The following SHQ1 variants were observed in gnomAD, a reference collection of about 807,000 sequenced individuals.
SHQ1 encodes SHQ1, H/ACA ribonucleoprotein assembly factor.
A neutral mutation model predicts 53.8 loss-of-function variants in SHQ1; 49 were observed. That is an observed-to-expected ratio of 0.91 (90% CI 0.72 to 1.16). The LOEUF (loss-of-function observed/expected upper bound fraction) is 1.16. Among genes scored for constraint, SHQ1 ranks in the 50% most tolerant of loss-of-function variants. The pLI, the probability that SHQ1 is intolerant of heterozygous loss-of-function variation, is 0.00. For missense variants in SHQ1, 738 were observed against 683.1 expected (o/e 1.08, Z -0.90); for synonymous variants, 243 against 251.0 (o/e 0.97, Z 0.30).
chr3:72,812,447 T>A (rs1345673754), intron 9 of SHQ1, among the ~76,000 whole-genome samples: 1 of 152,230 alleles, frequency 6.6e-6, no homozygotes, highest in Admixed American at 6.5e-5. Flanking sequence ...CTTCTCTGTT[T>A]ACCTTCCTTA....
chr3:72,818,839 C>A (rs866930301), intron 6 of SHQ1, among the ~76,000 whole-genome samples: 12 of 152,256 alleles, frequency 7.9e-5, no homozygotes, highest in Middle Eastern at 6.8e-3. Flanking sequence ...CCTGTAGAGG[C>A]CTCTAAGATC....
downstream of SHQ1, among the ~76,000 whole-genome samples, chr3:72,747,321 T>C (rs2106691941): frequency 6.6e-6 from 1 of 152,284 alleles, no homozygotes; most frequent in East Asian, 1.9e-4. Flanking sequence ...AATGGAGAAT[T>C]ACACTTCCAA....
At chr3:72,760,672 T>G (rs62251650) in intron 10 of SHQ1, among the ~76,000 whole-genome samples, 3 of 152,068 alleles carry the variant, frequency 2.0e-5, no homozygotes, top group African/African-American at 7.2e-5. Context: ...GTAGTTGTTA[T>G]GAGAGTAATA....
rs1414467779 is a variant in SHQ1 at position 72,751,531 on chromosome 3, CATAT to C, written c.1182-699_1182-696del. Among the ~76,000 whole-genome samples, 21 of 94,082 alleles carry C rather than the reference CATAT, an allele frequency of 2.2e-4. 2 individuals carry two copies. Among genetic ancestry groups the C allele is most frequent in the African/African-American group, 9.1e-4 (20 of 21,986 alleles). The allele number at this position is 94,082 out of a possible 152,430, so 61.7% of individuals were successfully genotyped here. On this transcript the variant is annotated intron_variant, in intron 10 of 10. Transcript: ENST00000325599. Reference sequence around the variant, plus strand: ...GTGTATATATATATATATATATATACATATACATACACTAATAAAGCCTAACTCT... The same window carrying C: ...GTGTATATATATATATATATATATACACATACACTAATAAAGCCTAACTCT...
chr3:72,725,513 G>A, the SHQ1 span, among the ~76,000 whole-genome samples: 2 of 152,114 alleles, frequency 1.3e-5, no homozygotes, highest in African/African-American at 2.4e-5. Flanking sequence ...ACATCCTGGA[G>A]TTGCCCCCAC....
In SHQ1 at chr3:72,750,795, A is replaced by C; in HGVS notation, c.1223T>G (p.Val408Gly). The C allele has an allele frequency of 6.5e-7, 1 of 1,547,100 alleles. No individual in the cohort carries two copies. The highest frequency in any genetic ancestry group is 8.7e-7 in the Non-Finnish European group (1 of 1,145,236). ...LAALAEALKE[V>G]SLTKAQLGLE... Reference sequence around the variant, plus strand: ...CCCCAGCTGGGCCTTTGTAAGGGAGACTTCCTTTAAGGCTTCTGCAAGAGC... The same window carrying C: ...CCCCAGCTGGGCCTTTGTAAGGGAGCCTTCCTTTAAGGCTTCTGCAAGAGC... The change falls in exon 11 of 11, where the codon GTC (valine) becomes GGC (glycine). Residue 408 changes from valine (V) to glycine (G), a missense_variant. Coordinates refer to ENST00000325599, the MANE Select transcript of SHQ1 (RefSeq NM_018130.3).
chr3:72,726,046 T>C, the SHQ1 span, among the ~76,000 whole-genome samples: 1 of 152,078 alleles, frequency 6.6e-6, no homozygotes, highest in Non-Finnish European at 1.5e-5. Flanking sequence ...GGCAGGAGGA[T>C]TGCTTGAGCC....
At chr3:72,844,857 C>G (rs1405490369) in intron 1 of SHQ1, among the ~76,000 whole-genome samples, 1 of 152,166 alleles carries the variant, frequency 6.6e-6, no homozygotes, top group Non-Finnish European at 1.5e-5. Flanking sequence ...TGGCTGCATA[C>G]ACAAAAGTAT....
intron 8 of SHQ1, among the ~76,000 whole-genome samples, chr3:72,814,894 C>T (rs1166829711): frequency 1.3e-5 from 2 of 152,142 alleles, no homozygotes; most frequent in Non-Finnish European, 1.5e-5. Context: ...ACCTGCAATA[C>T]TTACCTCACA....
At chr3:72,773,493 A>AG in intron 10 of SHQ1, 1 of 263,810 alleles carries the variant, frequency 3.8e-6, no homozygotes, top group Non-Finnish European at 7.7e-6. Flanking sequence ...TAAAAAAAAA[A>AG]AAAAGAAAAA....
the SHQ1 span, among the ~76,000 whole-genome samples, chr3:72,739,010 G>A: frequency 1.3e-5 from 2 of 152,224 alleles, no homozygotes; most frequent in Admixed American, 1.3e-4. Context: ...TAGACACATT[G>A]GTGGACGATG....
chr3:72,726,586 A>G, the SHQ1 span, among the ~76,000 whole-genome samples: 4 of 152,106 alleles, frequency 2.6e-5, no homozygotes, highest in East Asian at 7.7e-4. Context: ...TCCTGACCTC[A>G]GGTGATCTGC....
intron 10 of SHQ1, chr3:72,773,241 T>A (rs1705892284): frequency 2.9e-6 from 2 of 691,600 alleles, no homozygotes; most frequent in Admixed American, 3.8e-5. Flanking sequence ...GAGAAAGAGT[T>A]AGAAGGAGAA....
intron 10 of SHQ1, among the ~76,000 whole-genome samples, chr3:72,789,829 A>C (rs1329699117): frequency 6.6e-6 from 1 of 152,064 alleles, no homozygotes; most frequent in African/African-American, 2.4e-5. Flanking sequence ...ATCCATGAGA[A>C]AGACAGATGT....
At chr3:72,758,321 G>C (rs1705539748) in intron 10 of SHQ1, among the ~76,000 whole-genome samples, 1 of 152,130 alleles carries the variant, frequency 6.6e-6, no homozygotes, top group Admixed American at 6.6e-5. Flanking sequence ...AAGCTAAAGA[G>C]TTATTTAAAC....
chr3:72,771,484 T>C (rs1028385381), intron 10 of SHQ1, among the ~76,000 whole-genome samples: 2 of 152,204 alleles, frequency 1.3e-5, no homozygotes, highest in Admixed American at 1.3e-4. Context: ...CAGCTAGTCA[T>C]AAACTAAGAA....
At chr3:72,783,607 C>T (rs967744525) in intron 10 of SHQ1, among the ~76,000 whole-genome samples, 2 of 152,148 alleles carry the variant, frequency 1.3e-5, no homozygotes, top group African/African-American at 2.4e-5. Flanking sequence ...AGCCAGCATG[C>T]CCAGCCCTAA....
chr3:72,822,152 G>C (rs929111399), intron 6 of SHQ1, among the ~76,000 whole-genome samples: 7 of 152,194 alleles, frequency 4.6e-5, no homozygotes, highest in Non-Finnish European at 7.3e-5. Flanking sequence ...GGTGGAACAA[G>C]AAGTCCAACC....
intron 9 of SHQ1, chr3:72,794,051 GAACT>G (rs1706525248): frequency 6.6e-6 from 1 of 152,132 alleles, no homozygotes; most frequent in Non-Finnish European, 1.5e-5. Flanking sequence ...ATTATAAGGT[GAACT>G]ATTAATTCTA....
Sources: allele counts gnomAD v4.1 joint callset (sites outside exome capture counted in the v4.1 genomes callset), GRCh38; gene constraint gnomAD v4.1.1; transcripts MANE v1.5; gene names NCBI Gene and HGNC (gene_info 2026-07-23, HGNC 2026-07-21).